The following MTF1 variants were observed in gnomAD, a reference collection of about 807,000 sequenced individuals.
The protein encoded by MTF1 is metal regulatory transcription factor 1.
A neutral mutation model predicts 70.4 loss-of-function variants in MTF1; 22 were observed. That is an observed-to-expected ratio of 0.31 (90% CI 0.22 to 0.45). The LOEUF is 0.45. Ranked by LOEUF, MTF1 falls within the 20% of genes least tolerant of loss-of-function variation. The pLI is 1.00. For synonymous variants in MTF1, 333 were observed against 352.8 expected (o/e 0.94, Z 0.63); for missense variants, 649 against 922.0 (o/e 0.70, Z 3.83).
At position 37,844,412 on chromosome 1, in the gene MTF1, A is replaced by G. The variant is rs573069321; in HGVS notation, c.409-4254T>C. ...TCCTTCACCATCATTCCATGTCTAC[A>G]TGACAGTGCCCTTCTCTAAATGCCA... On this transcript the variant is annotated intron_variant, in intron 2 of 10. Coordinates refer to ENST00000373036, the MANE Select transcript of MTF1 (RefSeq NM_005955.3). 1.6e-4 allele frequency among the ~76,000 whole-genome samples: 25 copies of G among 152,272 alleles called. No individual in the cohort carries two copies. The East Asian group carries it at 3.9e-3, about 23-fold the overall frequency.
intron 1 of MTF1, 47 bp from the exon 2 acceptor site, chr1:37,857,756 G>T: frequency 8.4e-7 from 1 of 1,196,904 alleles, no homozygotes; most frequent in Non-Finnish European, 1.2e-6. Flanking sequence ...CAAGACCGAC[G>T]GACCTCCTCA....
intron 9 of MTF1, among the ~76,000 whole-genome samples, chr1:37,818,777 G>A (rs558402371): frequency 5.3e-5 from 8 of 151,272 alleles, no homozygotes; most frequent in South Asian, 2.1e-4. Flanking sequence ...GGCAGATCAC[G>A]AGGTCAGGAG....
chr1:37,823,844 C>T, intron 7 of MTF1, 32 bp from the exon 8 acceptor site: 1 of 1,500,806 alleles, frequency 6.7e-7, no homozygotes. Flanking sequence ...GTGAGATTGG[C>T]CATCTTGAGA....
At chr1:37,858,936 C>T (rs1432456484) in intron 1 of MTF1, among the ~76,000 whole-genome samples, 1 of 152,188 alleles carries the variant, frequency 6.6e-6, no homozygotes, top group Non-Finnish European at 1.5e-5. Context: ...TCTGGCTTTG[C>T]GCTTTATCTT....
At position 37,815,621 on chromosome 1, in the gene MTF1, G is replaced by A; in HGVS notation, c.1832-55C>T. The A allele has an allele frequency of 7.3e-7, 1 of 1,366,490 alleles. No individual in the cohort carries two copies. Among genetic ancestry groups the A allele is most frequent in the Non-Finnish European group, 1.0e-6 (1 of 998,898 alleles). 84.6% of individuals were successfully genotyped at this position (1,366,490 alleles called of 1,614,324 possible). On this transcript the variant is annotated intron_variant, in intron 10 of 10. Coordinates refer to ENST00000373036, the MANE Select transcript of MTF1 (RefSeq NM_005955.3). This position sits in a 1 kb window ranked among gnomAD's most constrained non-coding sequence, Gnocchi z 4.5. The stretch of plus-strand genomic sequence containing the variant: ...CAAGTAGCTGCAGGGGCAGGAGCAT[G>A]AGGGACAGGGATACATGGACTAGGT...
intron 6 of MTF1, chr1:37,834,523 A>G (rs1641134548): frequency 3.4e-6 from 1 of 293,868 alleles, no homozygotes; most frequent in African/African-American, 2.2e-5. Context: ...TGAGCAGAGG[A>G]CAGACATTAT....
At chr1:37,828,830 A>C (rs1243796678) in intron 7 of MTF1, among the ~76,000 whole-genome samples, 3 of 152,206 alleles carry the variant, frequency 2.0e-5, no homozygotes, top group Non-Finnish European at 4.4e-5. Context: ...AGTAGAGAAG[A>C]CAAGAACAGG....
chr1:37,822,733 A>G lies in MTF1; in HGVS notation c.1172-17T>C. Reference sequence around the variant, plus strand: ...TCAAGGAAGCTGGCAAGAAAAAGAAATAGAAATATATATACATATCCCAAG... The same window carrying G: ...TCAAGGAAGCTGGCAAGAAAAAGAAGTAGAAATATATATACATATCCCAAG... On this transcript the variant is annotated splice_polypyrimidine_tract_variant and intron_variant, in intron 8 of 10. Coordinates refer to ENST00000373036, the MANE Select transcript of MTF1 (RefSeq NM_005955.3). The G allele has an allele frequency of 6.4e-7, 1 of 1,551,324 alleles. No individual in the cohort carries two copies. The highest frequency in any genetic ancestry group is 2.2e-5 in the East Asian group (1 of 44,554).
At chr1:37,845,487 G>A (rs1420497548) in intron 2 of MTF1, among the ~76,000 whole-genome samples, 1 of 152,154 alleles carries the variant, frequency 6.6e-6, no homozygotes, top group Non-Finnish European at 1.5e-5. Context: ...GAAAGTATTT[G>A]TTTGATTTTT....
At chr1:37,845,652 G>A (rs1641321126) in intron 2 of MTF1, among the ~76,000 whole-genome samples, 2 of 152,118 alleles carry the variant, frequency 1.3e-5, no homozygotes, top group South Asian at 4.1e-4. Context: ...CTATAGGTAT[G>A]TACCACCACG....
intron 1 of MTF1, among the ~76,000 whole-genome samples, chr1:37,858,825 G>C (rs994009633): frequency 6.6e-6 from 1 of 152,230 alleles, no homozygotes; most frequent in Non-Finnish European, 1.5e-5. Context: ...TTCTGGAATA[G>C]TGATTCTTCC....
intron 2 of MTF1, among the ~76,000 whole-genome samples, chr1:37,853,708 C>A (rs1039340513): frequency 7.9e-5 from 12 of 152,190 alleles, no homozygotes; most frequent in Non-Finnish European, 1.2e-4. Flanking sequence ...AAGACCAGCT[C>A]AAACGCCACC....
chr1:37,819,198 T>C (rs1360137066), intron 9 of MTF1, among the ~76,000 whole-genome samples: 2 of 152,172 alleles, frequency 1.3e-5, no homozygotes, highest in Non-Finnish European at 2.9e-5. Context: ...TTACCCAGTT[T>C]GGGGTATTCT....
Position 37,827,012 on chromosome 1 carries a change from C to T in MTF1, c.1069-3200G>A, listed in dbSNP as rs1469161438. 3.9e-5 allele frequency among the ~76,000 whole-genome samples: 6 copies of T among 152,032 alleles called. No individual in the cohort carries two copies. The South Asian group carries it at 6.2e-4, about 16-fold the overall frequency. On this transcript the variant is annotated intron_variant, in intron 7 of 10. Coordinates refer to ENST00000373036, the MANE Select transcript of MTF1 (RefSeq NM_005955.3). The stretch of plus-strand genomic sequence containing the variant: ...GTGGGACAACTTCCAACTTCCAGTC[C>T]GGACAGAGTTAAAACTCATAGGCCA...
At chr1:37,823,908 C>T in intron 7 of MTF1, 96 bp from the exon 8 acceptor site, 1 of 863,000 alleles carries the variant, frequency 1.2e-6, no homozygotes, top group Non-Finnish European at 1.9e-6. Flanking sequence ...GAATGAAAAT[C>T]TTTTGATATG....
intron 10 of MTF1, among the ~76,000 whole-genome samples, chr1:37,816,539 G>A (rs112742766): frequency 0.034 from 5,173 of 152,164 alleles, 299 homozygotes; most frequent in African/African-American, 0.12. Flanking sequence ...GCTGGGCATA[G>A]TGTTGAATGC....
intron 2 of MTF1, among the ~76,000 whole-genome samples, chr1:37,843,343 G>A (rs1191375318): frequency 6.6e-6 from 1 of 152,026 alleles, no homozygotes; most frequent in Admixed American, 6.5e-5. Flanking sequence ...AACATATTTG[G>A]AGGCAGAAAA....
chr1:37,831,711 C>A lies in MTF1; in HGVS notation c.1068+534G>T, dbSNP rs3996440. 2.0e-5 allele frequency among the ~76,000 whole-genome samples: 3 copies of A among 151,858 alleles called. No homozygotes were observed. The South Asian group carries it at 6.2e-4, about 32-fold the overall frequency. ...CTTGTCCTTTAGCAGATAGAGGCCT[C>A]TATATGTGTAAGAGGTTTTCTTCAA... On this transcript the variant is annotated intron_variant, in intron 7 of 10. Transcript: ENST00000373036.
intron 2 of MTF1, among the ~76,000 whole-genome samples, chr1:37,842,938 G>A (rs146471879): frequency 6.6e-6 from 1 of 152,314 alleles, no homozygotes; most frequent in Non-Finnish European, 1.5e-5. Flanking sequence ...CCGGATGCAG[G>A]TGACTAAATG....
Sources: allele counts gnomAD v4.1 joint callset (sites outside exome capture counted in the v4.1 genomes callset), GRCh38; gene constraint gnomAD v4.1.1; non-coding constraint Gnocchi (gnomAD v3.1); transcripts MANE v1.5; gene names NCBI Gene and HGNC (gene_info 2026-07-23, HGNC 2026-07-21).